GPR21: variants seen among roughly 807,000 people sequenced by gnomAD.
GPR21 encodes probable G protein-coupled receptor 21.
A neutral mutation model predicts 21.5 loss-of-function variants in GPR21; 9 were observed. That is an observed-to-expected ratio of 0.42 (90% CI 0.25 to 0.73). GPR21 has a LOEUF of 0.73. GPR21 is among the 30% of genes least tolerant of loss of function. The pLI is 0.27. For synonymous variants in GPR21, 169 were observed against 159.3 expected, an observed-to-expected ratio of 1.06 and a Z score of -0.46; for missense variants, 416 against 428.9, an observed-to-expected ratio of 0.97 and a Z score of 0.27.
chr9:123,034,408 C>G lies in GPR21; in HGVS notation c.-159C>G. 1.6e-6 allele frequency: 1 copy of G among 617,224 alleles called. No homozygotes were observed. The highest frequency in any genetic ancestry group is 2.0e-5 in the South Asian group (1 of 49,576). The allele number at this position is 617,224 out of a possible 1,614,324, so 38.2% of individuals were successfully genotyped here. ...ATTTAAAGGGGAATTGCACTGCAGG[C>G]AATGCACCAGAGCAGCAGCATCAGG... On this transcript the variant is annotated 5_prime_UTR_variant, in exon 2 of 2. Transcript: ENST00000616002.
At chr9:123,036,914 AGTGAT>A (rs1019749233), downstream of GPR21, among the ~76,000 whole-genome samples, 4 of 151,910 alleles carry the variant, frequency 2.6e-5, no homozygotes, top group African/African-American at 9.7e-5. Context: ...TGTATGTAGT[AGTGAT>A]GTTTGTTCTT....
At chr9:123,041,356 T>C in the GPR21 span, among the ~76,000 whole-genome samples, 1 of 152,202 alleles carries the variant, frequency 6.6e-6, no homozygotes. Context: ...CACAGCAACC[T>C]ATCAGGTAGT....
chr9:123,044,391 T>A, the GPR21 span, among the ~76,000 whole-genome samples: 3 of 152,196 alleles, frequency 2.0e-5, no homozygotes, highest in Non-Finnish European at 4.4e-5. Context: ...TCTCATTTAA[T>A]CCCCCTAGAA....
At chr9:123,043,659 G>T in the GPR21 span, among the ~76,000 whole-genome samples, 1 of 151,662 alleles carries the variant, frequency 6.6e-6, no homozygotes, top group Non-Finnish European at 1.5e-5. Flanking sequence ...GAGGGTGGGT[G>T]TAACAGAGCT....
rs1430918320 is a variant in GPR21 at position 123,035,609 on chromosome 9, A to G, written c.1043A>G (p.His348Arg). The change falls in exon 2 of 2, where the codon CAT (histidine) becomes CGT (arginine). Residue 348 changes from histidine (H) to arginine (R), a missense_variant. Coordinates refer to ENST00000616002, the MANE Select transcript of GPR21 (RefSeq NM_005294.3). The part of the protein sequence containing the change: ...VRSKGPLNGC[H>R]I Reference sequence around the variant, plus strand: ...AGCAAAGGCCCTCTTAATGGATGTCATATCTGAAGTGGCTCAGTTACGGGG... The same window carrying G: ...AGCAAAGGCCCTCTTAATGGATGTCGTATCTGAAGTGGCTCAGTTACGGGG... 57 of 1,576,268 alleles carry G rather than the reference A, an allele frequency of 3.6e-5. No individual in the cohort carries two copies. Among genetic ancestry groups the G allele is most frequent in the Non-Finnish European group, 4.7e-5 (55 of 1,164,710 alleles).
rs774162866 is a variant in GPR21 at position 123,035,333 on chromosome 9, G to A, written c.767G>A (p.Arg256Gln). Residue 256 changes from arginine to glutamine, a missense_variant, in exon 2 of 2, where the codon CGA (arginine) becomes CAA (glutamine). Transcript: ENST00000616002. ...AAGCGCTATGCCATGGTCCTGTTTC[G>A]AATCACTAGTGTATTTTACATCCTC... ...PDKRYAMVLF[R>Q]ITSVFYILWL... 5.0e-6 allele frequency: 8 copies of A among 1,614,086 alleles called. No homozygotes were observed. The highest frequency in any genetic ancestry group is 1.7e-5 in the Admixed American group (1 of 60,016).
chr9:123,041,128 CTT>C, the GPR21 span, among the ~76,000 whole-genome samples: 1 of 152,150 alleles, frequency 6.6e-6, no homozygotes, highest in African/African-American at 2.4e-5. Flanking sequence ...AATTGAGACT[CTT>C]TATGTTTCAG....
downstream of GPR21, among the ~76,000 whole-genome samples, chr9:123,038,818 C>G (rs561100839): frequency 1.3e-5 from 2 of 151,592 alleles, no homozygotes; most frequent in East Asian, 3.9e-4. Flanking sequence ...TGGCTGTAAA[C>G]GAGTCATTTG....
In GPR21 at chr9:123,035,600, A is replaced by G; in HGVS notation, c.1034A>G (p.Asn345Ser). 1 of 1,588,574 alleles carries G rather than the reference A, an allele frequency of 6.3e-7. No individual in the cohort carries two copies. The highest frequency in any genetic ancestry group is 8.5e-7 in the Non-Finnish European group (1 of 1,170,482). The change falls in exon 2 of 2, where the codon AAT becomes AGT. Residue 345 changes from asparagine (N) to serine (S), a missense_variant. Transcript: ENST00000616002. Reference sequence around the variant, plus strand: ...ACAGTTAGAAGCAAAGGCCCTCTTAATGGATGTCATATCTGAAGTGGCTCA... The same window carrying G: ...ACAGTTAGAAGCAAAGGCCCTCTTAGTGGATGTCATATCTGAAGTGGCTCA... ...PYTVRSKGPLNGCHI is the reference protein window; with the variant it reads ...PYTVRSKGPLSGCHI
chr9:123,037,419 G>C (rs540513856), downstream of GPR21, among the ~76,000 whole-genome samples: 12 of 152,204 alleles, frequency 7.9e-5, no homozygotes, highest in African/African-American at 2.9e-4. Flanking sequence ...ATTCTAAGCT[G>C]CTTCAAAATT....
In GPR21 at chr9:123,034,875, G is replaced by C. The variant is rs1429748965; in HGVS notation, c.309G>C (p.Gln103His). ...CAGTAGAGGAGTCCTTGACTTGCCAGATATTTGGTTTTGTAGTATCAGTTC... is the reference window on the plus strand; with the variant it reads ...CAGTAGAGGAGTCCTTGACTTGCCACATATTTGGTTTTGTAGTATCAGTTC... The part of the protein sequence containing the change: ...PLPVEESLTC[Q>H]IFGFVVSVLK... The change falls in exon 2 of 2, where the codon CAG becomes CAC. Residue 103 changes from glutamine to histidine, a missense_variant. Transcript: ENST00000616002. 17 of 1,613,920 alleles carry C rather than the reference G, an allele frequency of 1.1e-5. No homozygotes were observed. Among genetic ancestry groups the C allele is most frequent in the Non-Finnish European group, 1.4e-5 (16 of 1,179,942 alleles).
chr9:123,035,172 A>G lies in GPR21; in HGVS notation c.606A>G (p.Pro202=), dbSNP rs1303793773. The change falls in exon 2 of 2, where the codon CCA becomes CCG. Residue 202 remains proline, a synonymous_variant. Transcript: ENST00000616002. The stretch of plus-strand genomic sequence containing the variant: ...TCATCGTGATGATGTTATATGCCCC[A>G]GCAGCCCTTATTGTCTGCTTCACCT... The part of the protein sequence containing the change: ...TLFIVMMLYA[P]AALIVCFTYF... 19 of 1,614,068 alleles carry G rather than the reference A, an allele frequency of 1.2e-5. No homozygotes were observed. Among genetic ancestry groups the G allele is most frequent in the Non-Finnish European group, 1.6e-5 (19 of 1,179,944 alleles).
chr9:123,034,477 A>G lies in GPR21; in HGVS notation c.-90A>G. On this transcript the variant is annotated 5_prime_UTR_variant, in exon 2 of 2. Transcript: ENST00000616002. ...CCTCTGGCATTATTACACACATGCA[A>G]AGCTGACCGCAATGACAGCAGCTGC... 1.3e-6 allele frequency: 1 copy of G among 793,434 alleles called. No individual in the cohort carries two copies. Among genetic ancestry groups the G allele is most frequent in the Non-Finnish European group, 2.1e-6 (1 of 481,864 alleles). 49.1% of individuals were successfully genotyped at this position (793,434 alleles called of 1,614,324 possible).
the GPR21 span, among the ~76,000 whole-genome samples, chr9:123,046,668 T>C: frequency 6.6e-6 from 1 of 152,234 alleles, no homozygotes; most frequent in Non-Finnish European, 1.5e-5. Flanking sequence ...TCAGTACATG[T>C]TAGCTGGTAC....
Position 123,034,483 on chromosome 9 carries a change from A to C in GPR21, c.-84A>C, listed in dbSNP as rs1247821906. ...GCATTATTACACACATGCAAAGCTG[A>C]CCGCAATGACAGCAGCTGCTTCTTT... On this transcript the variant is annotated 5_prime_UTR_variant, in exon 2 of 2. It removes the in-frame stop codon of an upstream open reading frame in the 5' UTR. Transcript: ENST00000616002. 17 of 819,574 alleles carry C rather than the reference A, an allele frequency of 2.1e-5. No homozygotes were observed. The highest frequency in any genetic ancestry group is 3.4e-5 in the African/African-American group (2 of 58,674). 50.8% of individuals were successfully genotyped at this position (819,574 alleles called of 1,614,324 possible).
At chr9:123,047,198 C>T in the GPR21 span, among the ~76,000 whole-genome samples, 2 of 152,170 alleles carry the variant, frequency 1.3e-5, no homozygotes, top group African/African-American at 4.8e-5. Flanking sequence ...GATTTTCTTT[C>T]AGTACTAATC....
chr9:123,044,399 G>A, the GPR21 span, among the ~76,000 whole-genome samples: 1 of 152,146 alleles, frequency 6.6e-6, no homozygotes, highest in Non-Finnish European at 1.5e-5. Context: ...AATCCCCCTA[G>A]AAGTATAGGC....
the GPR21 span, among the ~76,000 whole-genome samples, chr9:123,043,404 G>T: frequency 6.6e-6 from 1 of 152,076 alleles, no homozygotes; most frequent in Non-Finnish European, 1.5e-5. Flanking sequence ...ATGGTGAGAA[G>T]AATTTAGTTT....
the GPR21 span, among the ~76,000 whole-genome samples, chr9:123,045,005 T>TA: frequency 6.6e-6 from 1 of 152,196 alleles, no homozygotes; most frequent in Non-Finnish European, 1.5e-5. Context: ...CTTTGCAAAT[T>TA]AAAAAACCTA....
Sources: gnomAD v4.1 joint callset for allele counts (sites outside exome capture counted in the v4.1 genomes callset) on GRCh38, gnomAD v4.1.1 for gene constraint, MANE v1.5 for transcripts, NCBI Gene and HGNC (gene_info 2026-07-23, HGNC 2026-07-21) for gene names.